The following FRY variants were observed in gnomAD, a reference collection of about 807,000 sequenced individuals.
FRY encodes the protein protein furry homolog.
Under a neutral mutation model 348.4 loss-of-function variants are expected in FRY, and 128 were observed. The ratio of observed to expected loss-of-function variants is 0.37; its 90% CI spans 0.32 to 0.43. FRY has a LOEUF of 0.43. Ranked by LOEUF, FRY falls within the 20% of genes least tolerant of loss-of-function variation. The pLI is 1.00. For synonymous variants in FRY, 1,370 were observed against 1,374.7 expected, an observed-to-expected ratio of 1.00 and a Z score of 0.08; for missense variants, 2,736 against 3,695.2, an observed-to-expected ratio of 0.74 and a Z score of 6.73.
At chr13:32,109,156 A>G (rs1414372826) in intron 3 of FRY, among the ~76,000 whole-genome samples, 1 of 151,146 alleles carries the variant, frequency 6.6e-6, no homozygotes, top group African/African-American at 2.4e-5. Context: ...TTATATAAAA[A>G]GGATAAACAT....
chr13:32,170,198 T>A (rs923722681), intron 17 of FRY, among the ~76,000 whole-genome samples: 2 of 152,230 alleles, frequency 1.3e-5, no homozygotes, highest in African/African-American at 4.8e-5. Flanking sequence ...GCTTCTCCAG[T>A]ACTCAGGTTC....
intron 3 of FRY, among the ~76,000 whole-genome samples, chr13:32,103,295 T>A (rs1877284558): frequency 6.6e-6 from 1 of 152,220 alleles, no homozygotes; most frequent in Non-Finnish European, 1.5e-5. Context: ...GCTGAGGTGG[T>A]CAGAGACCCT....
intron 38 of FRY, among the ~76,000 whole-genome samples, chr13:32,225,351 G>T (rs1219389213): frequency 1.3e-5 from 2 of 152,206 alleles, no homozygotes; most frequent in Non-Finnish European, 2.9e-5. Context: ...ATGAGGCATA[G>T]TCAGCGTATA....
rs1250674126 is a variant in FRY, at chr13:32,272,838, C to A, written c.8137-2004C>A. ...GCAACCTCCACCTCCCGGGTTCAAG[C>A]AATTCTCCTGCCTCAGCCTCCCAAG... is the stretch of plus-strand genomic sequence containing the variant. On this transcript the variant is annotated intron_variant, in intron 55 of 60. Coordinates refer to ENST00000542859, the MANE Select transcript of FRY (RefSeq NM_023037.3). Among the ~76,000 whole-genome samples the A allele has an allele frequency of 4.6e-5, 7 of 151,900 alleles. No individual in the cohort carries two copies. In the East Asian group the frequency reaches 1.4e-3, roughly 29 times the overall value.
chr13:32,098,757 C>T lies in FRY; in HGVS notation c.271-3206C>T, dbSNP rs942663521. ...TTCCACCCCGGCATGTAGCATTTGACGCATTGTGAACCCTCAGTCACTGTT... is the reference window on the plus strand; with the variant it reads ...TTCCACCCCGGCATGTAGCATTTGATGCATTGTGAACCCTCAGTCACTGTT... On this transcript the variant is annotated intron_variant, in intron 2 of 60. Transcript: ENST00000542859. Among the ~76,000 whole-genome samples, 18 of 152,128 alleles carry T rather than the reference C, an allele frequency of 1.2e-4. No individual in the cohort carries two copies. The East Asian group carries it at 1.7e-3, about 15-fold the overall frequency.
chr13:32,262,601 T>A, intron 53 of FRY, 126 bp downstream of exon 53: 1 of 767,174 alleles, frequency 1.3e-6, no homozygotes, highest in Non-Finnish European at 2.2e-6. Flanking sequence ...TTTCTTTCTC[T>A]CTTTTTTAAA....
Position 32,237,448 on chromosome 13 carries a change from C to T in FRY, c.5880C>T (p.Asn1960=). The change falls in exon 44 of 61, where the codon AAC becomes AAT. Residue 1960 remains asparagine, a synonymous_variant. Coordinates refer to ENST00000542859, the MANE Select transcript of FRY (RefSeq NM_023037.3). This position sits in a 1 kb window ranked among gnomAD's most constrained non-coding sequence, Gnocchi z 6.3. ...TASRKSTGQL[N]MNPGTTSGNT... Reference sequence around the variant, plus strand: ...GCAGAAAGAGCACAGGACAACTAAACATGAACCCGGGAACCACCAGCGGCA... The same window carrying T: ...GCAGAAAGAGCACAGGACAACTAAATATGAACCCGGGAACCACCAGCGGCA... 1 of 1,614,018 alleles carries T rather than the reference C, an allele frequency of 6.2e-7. No individual in the cohort carries two copies.
intron 51 of FRY, among the ~76,000 whole-genome samples, chr13:32,257,772 A>C (rs1242942818): frequency 6.6e-6 from 1 of 152,216 alleles, no homozygotes; most frequent in Non-Finnish European, 1.5e-5. Flanking sequence ...CTGATGTTTA[A>C]TGTTGATTTT....
At position 32,298,542 on chromosome 13, in the gene FRY, G is replaced by A. The variant is rs1008960428; in HGVS notation, c.*3082G>A. On this transcript the variant is annotated 3_prime_UTR_variant, in exon 61 of 61. Transcript: ENST00000542859. ...AGGCAGATGTGGTCCCTGTTCCCAT[G>A]AGGCTCCTACATTTGAGTGGAGGAA... 1.3e-5 allele frequency: 2 copies of A among 152,208 alleles called. No homozygotes were observed. The highest frequency in any genetic ancestry group is 6.5e-5 in the Admixed American group (1 of 15,278). The allele number at this position is 152,208 out of a possible 1,614,324, so 9.4% of individuals were successfully genotyped here.
intron 48 of FRY, among the ~76,000 whole-genome samples, chr13:32,247,911 G>T (rs908472898): frequency 3.9e-5 from 6 of 152,176 alleles, no homozygotes; most frequent in African/African-American, 1.4e-4. Context: ...TTTTATAGTT[G>T]CTTCCCCAGT....
chr13:32,129,788 G>A (rs1471027573), intron 7 of FRY, among the ~76,000 whole-genome samples: 1 of 152,264 alleles, frequency 6.6e-6, no homozygotes, highest in Non-Finnish European at 1.5e-5. Context: ...CCATAAGGCA[G>A]TTAAACAAAG....
intron 15 of FRY, among the ~76,000 whole-genome samples, chr13:32,156,841 A>G (rs1881148373): frequency 6.6e-6 from 1 of 152,102 alleles, no homozygotes; most frequent in Non-Finnish European, 1.5e-5. Flanking sequence ...TTATTTTACT[A>G]AAAAAATTCA....
chr13:32,247,988 G>A (rs533754410), intron 48 of FRY, among the ~76,000 whole-genome samples: 17 of 152,214 alleles, frequency 1.1e-4, no homozygotes, highest in Middle Eastern at 3.4e-3. Flanking sequence ...GAGAGAGGGA[G>A]GAGCAAAAGA....
Position 32,248,069 on chromosome 13 carries a change from A to G in FRY, c.7008+567A>G, listed in dbSNP as rs374118375. Among the ~76,000 whole-genome samples, 3 of 152,358 alleles carry G rather than the reference A, an allele frequency of 2.0e-5. No homozygotes were observed. In the East Asian group the frequency reaches 5.8e-4, roughly 29 times the overall value. On this transcript the variant is annotated intron_variant, in intron 48 of 60. Coordinates refer to ENST00000542859, the MANE Select transcript of FRY (RefSeq NM_023037.3). ...AGTAGTCATGTTTACCTGATAGTCCATGAACAAATATTTGGGAGGCTTATA... is the reference window on the plus strand; with the variant it reads ...AGTAGTCATGTTTACCTGATAGTCCGTGAACAAATATTTGGGAGGCTTATA...
At chr13:32,102,708 T>G (rs2138635891) in intron 3 of FRY, among the ~76,000 whole-genome samples, 1 of 152,342 alleles carries the variant, frequency 6.6e-6, no homozygotes, top group Admixed American at 6.5e-5. Flanking sequence ...ATCTGATAGA[T>G]TCTGGTTCAG....
intron 58 of FRY, chr13:32,287,936 C>T: frequency 2.2e-6 from 2 of 928,232 alleles, no homozygotes; most frequent in Admixed American, 2.5e-5. Flanking sequence ...GGACCCATAA[C>T]AAAGCCTATT....
chr13:32,052,716 T>G (rs1873401252), intron 1 of FRY, among the ~76,000 whole-genome samples: 1 of 152,238 alleles, frequency 6.6e-6, no homozygotes, highest in Admixed American at 6.5e-5. Context: ...GAAAAAGTAC[T>G]TTCATATATG....
intron 1 of FRY, among the ~76,000 whole-genome samples, chr13:32,069,944 A>G (rs1013431624): frequency 6.9e-6 from 1 of 145,566 alleles, no homozygotes; most frequent in African/African-American, 2.6e-5. Flanking sequence ...GTTCCCACCT[A>G]TGAGTGAGAA....
chr13:32,185,399 T>C (rs1052574381), intron 26 of FRY, among the ~76,000 whole-genome samples: 1 of 152,206 alleles, frequency 6.6e-6, no homozygotes, highest in Non-Finnish European at 1.5e-5. Flanking sequence ...TTGGTTTCCA[T>C]CTGAAAATGA....
Sources: allele counts gnomAD v4.1 joint callset (sites outside exome capture counted in the v4.1 genomes callset), GRCh38; gene constraint gnomAD v4.1.1; non-coding constraint Gnocchi (gnomAD v3.1); transcripts MANE v1.5; gene names NCBI Gene and HGNC (gene_info 2026-07-23, HGNC 2026-07-21).